The following ARHGAP21 variants were observed in gnomAD, a reference collection of about 807,000 sequenced individuals.
The protein encoded by ARHGAP21 is rho GTPase-activating protein 21.
In ARHGAP21, 38 loss-of-function variants were observed where a neutral mutation model predicts 164.6. That is an observed-to-expected ratio of 0.23 (90% CI 0.18 to 0.30). The LOEUF is 0.30. Among genes scored for constraint, ARHGAP21 ranks in the 10% least tolerant of loss-of-function variants. The pLI is 1.00. For synonymous variants in ARHGAP21, 766 were observed against 857.9 expected, an observed-to-expected ratio of 0.89 and a Z score of 1.87; for missense variants, 1,822 against 2,370.7, an observed-to-expected ratio of 0.77 and a Z score of 4.81.
chr10:24,608,868 T>C (rs956129809), intron 9 of ARHGAP21, among the ~76,000 whole-genome samples: 4 of 152,226 alleles, frequency 2.6e-5, no homozygotes, highest in Non-Finnish European at 5.9e-5. Context: ...AGTTTACTAT[T>C]ATGTCAGTAA....
intron 2 of ARHGAP21, 48 bp from the exon 3 acceptor site, chr10:24,670,445 T>A (rs771508978): frequency 1.6e-6 from 2 of 1,287,744 alleles, no homozygotes; most frequent in East Asian, 5.1e-5. Context: ...ACAATATACT[T>A]CCTCATCTAA....
intron 24 of ARHGAP21, 77 bp from the exon 25 acceptor site, chr10:24,589,379 A>G: frequency 7.5e-7 from 1 of 1,327,766 alleles, no homozygotes; most frequent in African/African-American, 1.5e-5. Flanking sequence ...AAACTTATGG[A>G]AAGACAGGCA....
At chr10:24,637,621 T>C (rs543804534) in intron 4 of ARHGAP21, among the ~76,000 whole-genome samples, 1 of 152,288 alleles carries the variant, frequency 6.6e-6, no homozygotes, top group Non-Finnish European at 1.5e-5. Context: ...CTTCTGAAAA[T>C]TCTGATAGAA....
At chr10:24,658,650 G>A (rs1454505296) in intron 4 of ARHGAP21, among the ~76,000 whole-genome samples, 1 of 152,118 alleles carries the variant, frequency 6.6e-6, no homozygotes, top group East Asian at 1.9e-4. Flanking sequence ...TACACAGGGT[G>A]GGAAACTTCA....
At chr10:24,686,954 G>A (rs574107229) in intron 2 of ARHGAP21, among the ~76,000 whole-genome samples, 2 of 152,196 alleles carry the variant, frequency 1.3e-5, no homozygotes, top group Non-Finnish European at 2.9e-5. Flanking sequence ...GGAGACTGAG[G>A]CAGGCAATGG....
intron 2 of ARHGAP21, among the ~76,000 whole-genome samples, chr10:24,699,150 G>C: frequency 1.3e-5 from 2 of 151,596 alleles, no homozygotes; most frequent in Admixed American, 1.3e-4. Context: ...TCATCTTTTC[G>C]TCCCCTTTCT....
chr10:24,673,378 A>T (rs1452571794), intron 2 of ARHGAP21, among the ~76,000 whole-genome samples: 1 of 152,180 alleles, frequency 6.6e-6, no homozygotes, highest in African/African-American at 2.4e-5. Context: ...ACCCACAACC[A>T]CATGATGCTG....
At chr10:24,595,488 TGACTGG>T (rs2076541418) in intron 19 of ARHGAP21, among the ~76,000 whole-genome samples, 1 of 152,208 alleles carries the variant, frequency 6.6e-6, no homozygotes, top group Non-Finnish European at 1.5e-5. Context: ...AGAAGCCATT[TGACTGG>T]AAACAATAAT....
At chr10:24,607,344 C>T in intron 11 of ARHGAP21, 155 bp downstream of exon 11, 1 of 658,050 alleles carries the variant, frequency 1.5e-6, no homozygotes, top group African/African-American at 1.8e-5. Flanking sequence ...TTTTAAAATT[C>T]AATTTAATGT....
chr10:24,628,890 TATACATACATATATAC>T (rs1222291073), intron 7 of ARHGAP21: 34 of 102,544 alleles, frequency 3.3e-4, no homozygotes, highest in Non-Finnish European at 4.4e-4. Flanking sequence ...TACACATATA[TATACATACATATATAC>T]ACATATATAC....
chr10:24,585,739 A>G lies in ARHGAP21; in HGVS notation c.4550T>C (p.Leu1517Pro). 2 of 1,613,994 alleles carry G rather than the reference A, an allele frequency of 1.2e-6. No homozygotes were observed. The highest frequency in any genetic ancestry group is 1.7e-5 in the Admixed American group (1 of 59,996). ...HNSKHNKSPT[L>P]SCRFAILKES... ...TTTCAGGATGGCAAAGCGACAGCTG[A>G]GAGTTGGTGACTTGTTGTGTTTTGA... The change falls in exon 26 of 26, where the codon CTC (leucine) becomes CCC (proline). Residue 1517 changes from leucine (L) to proline (P), a missense_variant. Physicochemically the swap from Leu to Pro is moderately conservative, Grantham distance 98. This residue lies in a region of ARHGAP21 where 333 missense variants were observed against 383.9 expected (regional missense o/e 0.87). Coordinates refer to ENST00000396432, the MANE Select transcript of ARHGAP21 (RefSeq NM_020824.4).
At chr10:24,656,181 G>C (rs1421445328) in intron 4 of ARHGAP21, among the ~76,000 whole-genome samples, 2 of 129,914 alleles carry the variant, frequency 1.5e-5, no homozygotes. Flanking sequence ...TCAGCCCCCC[G>C]CCCGGCCAGC....
intron 2 of ARHGAP21, among the ~76,000 whole-genome samples, chr10:24,699,955 G>A (rs762379619): frequency 1.3e-5 from 2 of 152,118 alleles, no homozygotes; most frequent in Admixed American, 6.6e-5. Context: ...CATTTTAGAA[G>A]CTTGCTGTGA....
Position 24,600,790 on chromosome 10 carries a change from T to C in ARHGAP21, c.2988A>G (p.Ile996Met). 6.2e-7 allele frequency: 1 copy of C among 1,614,176 alleles called. No homozygotes were observed. The highest frequency in any genetic ancestry group is 8.5e-7 in the Non-Finnish European group (1 of 1,179,992). Reference sequence around the variant, plus strand: ...TCTTGGTCTCACTGTAAGAGATGTCTATCAAGCAAGCATTAACACTGATGG... The same window carrying C: ...TCTTGGTCTCACTGTAAGAGATGTCCATCAAGCAAGCATTAACACTGATGG... Reference protein sequence around the residue: ...EQPISVNACLIDISYSETKRK... With the variant: ...EQPISVNACLMDISYSETKRK... Residue 996 changes from isoleucine to methionine, a missense_variant, in exon 14 of 26, where the codon ATA becomes ATG. Ile to Met is a conservative substitution (Grantham distance 10, BLOSUM62 1). Around this residue, in one of 5 missense-constraint regions of ARHGAP21, gnomAD observed 1,090 missense variants for 1,378.9 expected, o/e 0.79. Coordinates refer to ENST00000396432, the MANE Select transcript of ARHGAP21 (RefSeq NM_020824.4).
intron 2 of ARHGAP21, among the ~76,000 whole-genome samples, chr10:24,689,836 G>GTA (rs200285068): frequency 6.8e-6 from 1 of 147,486 alleles, no homozygotes; most frequent in Non-Finnish European, 1.5e-5. Context: ...ATATGTATGT[G>GTA]TATATATATG....
chr10:24,626,688 T>C (rs1286112313), intron 7 of ARHGAP21, among the ~76,000 whole-genome samples: 1 of 152,204 alleles, frequency 6.6e-6, no homozygotes, highest in African/African-American at 2.4e-5. Flanking sequence ...GGTGTGGCTA[T>C]TTCACTCATG....
intron 17 of ARHGAP21, 133 bp downstream of exon 17, chr10:24,596,607 G>T (rs552189677): frequency 1.2e-5 from 15 of 1,234,932 alleles, no homozygotes; most frequent in African/African-American, 1.6e-5. Flanking sequence ...AATACTTAGG[G>T]AAACTAAGGT....
Position 24,684,604 on chromosome 10 carries a change from C to A in ARHGAP21, c.64-14207G>T, listed in dbSNP as rs187876317. ...TCAGTTTGACTGTTGAATAACTGAG[C>A]AAACTAGGAATGGGTTTTTTAATTT... On this transcript the variant is annotated intron_variant, in intron 2 of 25. Transcript: ENST00000396432. Among the ~76,000 whole-genome samples the A allele has an allele frequency of 8.5e-3, 1,293 of 152,176 alleles. 16 individuals are homozygous for A. The highest frequency in any genetic ancestry group is 0.01 in the Non-Finnish European group (695 of 68,006).
At position 24,723,673 on chromosome 10, in the gene ARHGAP21, C is replaced by G. The variant is rs1846150051; in HGVS notation, c.-492G>C. 6.8e-6 allele frequency: 1 copy of G among 147,244 alleles called. No homozygotes were observed. Among genetic ancestry groups the G allele is most frequent in the Non-Finnish European group, 1.5e-5 (1 of 66,934 alleles). The allele number at this position is 147,244 out of a possible 1,614,324, so 9.1% of individuals were successfully genotyped here. A position where few individuals can be genotyped will look rare whatever the true frequency, so the allele number is the denominator to read the frequency against. ...CCCGCAGCCGGACGATCCCGCGCTG[C>G]CCGCCGCCGCCGCCGCCGCCGCCGC... On this transcript the variant is annotated 5_prime_UTR_variant, in exon 1 of 26. Transcript: ENST00000396432.
Sources: allele counts gnomAD v4.1 joint callset (sites outside exome capture counted in the v4.1 genomes callset), GRCh38; gene constraint gnomAD v4.1.1; regional missense constraint gnomAD v4.1.1; transcripts MANE v1.5; gene names NCBI Gene and HGNC (gene_info 2026-07-23, HGNC 2026-07-21).